Variants in PLCB3 observed in about 807,000 individuals in gnomAD.
PLCB3 encodes the protein 1-phosphatidylinositol 4,5-bisphosphate phosphodiesterase beta-3.
In PLCB3, 54 loss-of-function variants were observed where a neutral mutation model predicts 152.1. That is an observed-to-expected ratio of 0.36 (90% CI 0.29 to 0.45). PLCB3 has a LOEUF of 0.45. Among genes scored for constraint, PLCB3 ranks in the 20% least tolerant of loss-of-function variants. The probability of loss-of-function intolerance (pLI) is 1.00; values close to 1 mark genes in which losing one functional copy is unlikely to be tolerated. For synonymous variants in PLCB3, 717 were observed against 698.7 expected (o/e 1.03, Z -0.41); for missense variants, 1,248 against 1,687.5 (o/e 0.74, Z 4.56).
At chr11:64,265,568 G>C (rs1003250444) in intron 25 of PLCB3, 66 bp downstream of exon 25, 2 of 1,508,142 alleles carry the variant, frequency 1.3e-6, no homozygotes, top group Non-Finnish European at 1.8e-6. Context: ...GGGGGTCGGT[G>C]GGCATGGAGA....
chr11:64,267,360 C>G lies in PLCB3; in HGVS notation c.3509C>G (p.Ala1170Gly). The change falls in exon 31 of 31, where the codon GCC becomes GGC. Residue 1170 changes from alanine (A) to glycine (G), a missense_variant. Ala to Gly is a moderately conservative substitution (Grantham distance 60). Coordinates refer to ENST00000279230, the MANE Select transcript of PLCB3 (RefSeq NM_000932.5). This position sits in a 1 kb window ranked among gnomAD's most constrained non-coding sequence, Gnocchi z 5.2. ...QLAEEEPKLL[A>G]QLAQECQEQR... ...CCCATCCTTCTCCCACAGCTGCTGG[C>G]CCAGCTGGCCCAGGAGTGTCAGGAG... 6.5e-7 allele frequency: 1 copy of G among 1,545,950 alleles called. No homozygotes were observed.
At chr11:64,262,867 C>A in intron 19 of PLCB3, 59 bp downstream of exon 19, 1 of 1,545,442 alleles carries the variant, frequency 6.5e-7, no homozygotes, top group South Asian at 1.1e-5. Context: ...ACCGCCCCGA[C>A]TCTCAGGTGG....
rs1449612809 is a variant in PLCB3 at position 64,258,629 on chromosome 11, G to A, written c.1169G>A (p.Arg390His). The A allele has an allele frequency of 3.1e-6, 5 of 1,613,992 alleles. No individual in the cohort carries two copies. Among genetic ancestry groups the A allele is most frequent in the East Asian group, 4.5e-5 (2 of 44,872 alleles). ...GFTMTTEVPL[R>H]DVLEAIAETA... ...ACCATGACCACAGAGGTGCCTCTGC[G>A]CGACGTGCTGGAGGCCATTGCCGAG... Residue 390 changes from arginine (R) to histidine (H), a missense_variant, in exon 11 of 31, where the codon CGC (arginine) becomes CAC (histidine). Physicochemically the swap from Arg to His is conservative, Grantham distance 29 (BLOSUM62 0). This residue lies in a region of PLCB3 where 122 missense variants were observed against 221.8 expected (regional missense o/e 0.55). Transcript: ENST00000279230. The surrounding 1 kb of genome is among the most constrained non-coding windows in gnomAD (Gnocchi z 7.2).
intron 9 of PLCB3, 34 bp from the exon 10 acceptor site, chr11:64,256,584 C>T (rs588177): frequency 6.2e-7 from 1 of 1,612,694 alleles, no homozygotes; most frequent in Non-Finnish European, 8.5e-7. Flanking sequence ...CAGGTGGGAC[C>T]CCAGCTGACC....
In PLCB3 at chr11:64,259,142, G is replaced by A. The variant is rs753770952; in HGVS notation, c.1423G>A (p.Ala475Thr). The A allele has an allele frequency of 2.7e-5, 43 of 1,610,788 alleles. No individual in the cohort carries two copies. In the East Asian group the frequency reaches 5.1e-4, roughly 19 times the overall value. The change falls in exon 13 of 31, where the codon GCA becomes ACA. Residue 475 changes from alanine to threonine, a missense_variant. Ala to Thr is a moderately conservative substitution (Grantham distance 58). Around this residue, in one of 6 missense-constraint regions of PLCB3, gnomAD observed 122 missense variants for 221.8 expected, o/e 0.55. Transcript: ENST00000279230. ...GAACAAGAAGCGGCACCGACCCAGCGCAGGTGGCCCAGACAGCGCCGGGCG... is the reference window on the plus strand; with the variant it reads ...GAACAAGAAGCGGCACCGACCCAGCACAGGTGGCCCAGACAGCGCCGGGCG... ...VKNKKRHRPS[A>T]GGPDSAGRKR...
Position 64,258,634 on chromosome 11 carries a change from G to T in PLCB3, c.1174G>T (p.Val392Leu). 1 of 1,613,994 alleles carries T rather than the reference G, an allele frequency of 6.2e-7. No homozygotes were observed. The highest frequency in any genetic ancestry group is 8.5e-7 in the Non-Finnish European group (1 of 1,179,988). The change falls in exon 11 of 31, where the codon GTG (valine) becomes TTG (leucine). Residue 392 changes from valine (V) to leucine (L), a missense_variant. This residue lies in a region of PLCB3 where 122 missense variants were observed against 221.8 expected (regional missense o/e 0.55). Transcript: ENST00000279230. This position sits in a 1 kb window ranked among gnomAD's most constrained non-coding sequence, Gnocchi z 7.2. The stretch of plus-strand genomic sequence containing the variant: ...GACCACAGAGGTGCCTCTGCGCGAC[G>T]TGCTGGAGGCCATTGCCGAGACTGC... ...TMTTEVPLRD[V>L]LEAIAETAFK...
At position 64,264,083 on chromosome 11, in the gene PLCB3, C is replaced by A. The variant is rs1195550688; in HGVS notation, c.2623C>A (p.Gln875Lys). Residue 875 changes from glutamine (Q) to lysine (K), a missense_variant, in exon 22 of 31, where the codon CAG becomes AAG. Physicochemically the swap from Gln to Lys is moderately conservative, Grantham distance 53. Coordinates refer to ENST00000279230, the MANE Select transcript of PLCB3 (RefSeq NM_000932.5). ...CAGCCTGATGGACCAGAGGGCCCGG[C>A]AGCTGGCCGCCCTCATTGGGGAGAG... ...HVSLMDQRAR[Q>K]LAALIGESEA... is the part of the protein sequence containing the mutation. The A allele has an allele frequency of 6.4e-7, 1 of 1,554,034 alleles. No homozygotes were observed. The highest frequency in any genetic ancestry group is 8.7e-7 in the Non-Finnish European group (1 of 1,151,526).
chr11:64,255,953 C>G lies in PLCB3; in HGVS notation c.698+132C>G. On this transcript the variant is annotated intron_variant, in intron 8 of 30. Transcript: ENST00000279230. The surrounding 1 kb of genome is among the most constrained non-coding windows in gnomAD (Gnocchi z 6.8). ...GAGCGCCAGGGGGCGGAGGGGTGCCCAGGGAGAACCTGTCGGTGATGTTCC... is the reference window on the plus strand; with the variant it reads ...GAGCGCCAGGGGGCGGAGGGGTGCCGAGGGAGAACCTGTCGGTGATGTTCC... 1.4e-6 allele frequency: 1 copy of G among 692,204 alleles called. No homozygotes were observed. Among genetic ancestry groups the G allele is most frequent in the Non-Finnish European group, 2.5e-6 (1 of 392,420 alleles). 42.9% of individuals were successfully genotyped at this position (692,204 alleles called of 1,614,324 possible). A position where few individuals can be genotyped will look rare whatever the true frequency, so the allele number is the denominator to read the frequency against.
Position 64,262,530 on chromosome 11 carries a change from A to G in PLCB3, c.2162A>G (p.Asp721Gly). The G allele has an allele frequency of 6.2e-7, 1 of 1,613,966 alleles. No homozygotes were observed. Among genetic ancestry groups the G allele is most frequent in the Non-Finnish European group, 8.5e-7 (1 of 1,179,994 alleles). The stretch of plus-strand genomic sequence containing the variant: ...GACCCCTTCACTGAGGTCATCGTGG[A>G]TGGCATCGTGGCCAATGCCTTGCGG... ...SFDPFTEVIV[D>G]GIVANALRVK... Residue 721 changes from aspartate to glycine, a missense_variant, in exon 18 of 31, where the codon GAT (aspartate) becomes GGT (glycine). By Grantham distance (94) the Asp-to-Gly change is moderately conservative. Coordinates refer to ENST00000279230, the MANE Select transcript of PLCB3 (RefSeq NM_000932.5).
chr11:64,261,995 C>T lies in PLCB3; in HGVS notation c.1957C>T (p.Arg653Cys). 1.2e-6 allele frequency: 2 copies of T among 1,614,182 alleles called. No individual in the cohort carries two copies. The highest frequency in any genetic ancestry group is 1.7e-6 in the Non-Finnish European group (2 of 1,180,010). ...QLSRIYPKGT[R>C]VDSSNYMPQL... ...CAGCCGCATCTACCCCAAGGGCACCCGCGTGGACTCCTCCAACTACATGCC... is the reference window on the plus strand; with the variant it reads ...CAGCCGCATCTACCCCAAGGGCACCTGCGTGGACTCCTCCAACTACATGCC... The change falls in exon 17 of 31, where the codon CGC (arginine) becomes TGC (cysteine). Residue 653 changes from arginine to cysteine, a missense_variant. Physicochemically the swap from Arg to Cys is radical, Grantham distance 180 (BLOSUM62 -3). Transcript: ENST00000279230.
rs2032142213 is a variant in PLCB3 at position 64,266,731 on chromosome 11, C to T, written c.3414+179C>T. Reference sequence around the variant, plus strand: ...AAAGCCAACTGTCTGTACCAGTGTCCCTGGCTTTGGCGTCCTTGGGCCCAG... The same window carrying T: ...AAAGCCAACTGTCTGTACCAGTGTCTCTGGCTTTGGCGTCCTTGGGCCCAG... On this transcript the variant is annotated intron_variant, in intron 29 of 30. Transcript: ENST00000279230. This position sits in a 1 kb window ranked among gnomAD's most constrained non-coding sequence, Gnocchi z 4.9. Among the ~76,000 whole-genome samples the T allele has an allele frequency of 6.6e-6, 1 of 152,120 alleles. No individual in the cohort carries two copies. Among genetic ancestry groups the T allele is most frequent in the South Asian group, 2.1e-4 (1 of 4,826 alleles).
Position 64,256,385 on chromosome 11 carries a change from G to A in PLCB3, c.708G>A (p.Lys236=), listed in dbSNP as rs2031529883. 6.2e-7 allele frequency: 1 copy of A among 1,613,298 alleles called. No individual in the cohort carries two copies. Reference sequence around the variant, plus strand: ...TTCCTGTCCCCTCCAGAGGCGCCAAGGGCAAGCCATACCTGACGCTGGAGC... The same window carrying A: ...TTCCTGTCCCCTCCAGAGGCGCCAAAGGCAAGCCATACCTGACGCTGGAGC... ...IDKILLEIGA[K]GKPYLTLEQL... is the part of the protein sequence containing the mutation. The change falls in exon 9 of 31, where the codon AAG becomes AAA. Residue 236 remains lysine, a synonymous_variant. Coordinates refer to ENST00000279230, the MANE Select transcript of PLCB3 (RefSeq NM_000932.5).
Position 64,259,104 on chromosome 11 carries a change from G to A in PLCB3, c.1385G>A (p.Arg462His), listed in dbSNP as rs1417153759. Reference sequence around the variant, plus strand: ...CCCAGCCCCCAGGACCTGATGGGCCGTATCCTGGTGAAGAACAAGAAGCGG... The same window carrying A: ...CCCAGCCCCCAGGACCTGATGGGCCATATCCTGGTGAAGAACAAGAAGCGG... The part of the protein sequence containing the change: ...PLPSPQDLMG[R>H]ILVKNKKRHR... Residue 462 changes from arginine to histidine, a missense_variant, in exon 13 of 31, where the codon CGT becomes CAT. Physicochemically the swap from Arg to His is conservative, Grantham distance 29. Coordinates refer to ENST00000279230, the MANE Select transcript of PLCB3 (RefSeq NM_000932.5). The A allele has an allele frequency of 3.1e-6, 5 of 1,612,174 alleles. No homozygotes were observed. Among genetic ancestry groups the A allele is most frequent in the East Asian group, 2.2e-5 (1 of 44,826 alleles).
rs116529975 is a variant in PLCB3, at chr11:64,260,260, G to A, written c.1731+26G>A. ...GTCAGGCCCACAGGGTGGGCAGGTC[G>A]GGGAGGTAGCATCTATTTACCTCCC... On this transcript the variant is annotated intron_variant, in intron 14 of 30. Coordinates refer to ENST00000279230, the MANE Select transcript of PLCB3 (RefSeq NM_000932.5). 4.8e-4 allele frequency: 731 copies of A among 1,517,066 alleles called. 4 individuals carry two copies. In the African/African-American group the frequency reaches 9.5e-3, roughly 20 times the overall value. The allele number at this position is 1,517,066 out of a possible 1,614,324, so 94.0% of individuals were successfully genotyped here. A position where few individuals can be genotyped will look rare whatever the true frequency, so the allele number is the denominator to read the frequency against.
At position 64,258,159 on chromosome 11, in the gene PLCB3, A is replaced by G. The variant is rs1405576995; in HGVS notation, c.1013-314A>G. On this transcript the variant is annotated intron_variant, in intron 10 of 30. Transcript: ENST00000279230. The surrounding 1 kb of genome is among the most constrained non-coding windows in gnomAD (Gnocchi z 7.2). ...ACAGAGCGAGGTTCCGTCTCAAAAA[A>G]AAAAAAAAAAGAGATTGGATTGGAG... Among the ~76,000 whole-genome samples the G allele has an allele frequency of 6.6e-6, 1 of 151,814 alleles. No homozygotes were observed. The highest frequency in any genetic ancestry group is 1.5e-5 in the Non-Finnish European group (1 of 67,904).
chr11:64,263,823 T>C (rs1331009663), intron 21 of PLCB3, 28 bp downstream of exon 21: 1 of 1,581,142 alleles, frequency 6.3e-7, no homozygotes, highest in Admixed American at 1.7e-5. Flanking sequence ...GGGGCCTGCC[T>C]GGCCAGGGAG....
intron 14 of PLCB3, 58 bp from the exon 15 acceptor site, chr11:64,261,342 G>A (rs939894285): frequency 2.4e-6 from 3 of 1,259,954 alleles, no homozygotes; most frequent in South Asian, 2.4e-5. Context: ...GGGGGCAGGT[G>A]AGGGAATGGC....
At chr11:64,253,263 C>T (rs758260539) in intron 1 of PLCB3, among the ~76,000 whole-genome samples, 67 of 152,338 alleles carry the variant, frequency 4.4e-4, no homozygotes, top group Non-Finnish European at 7.3e-4. Flanking sequence ...GACGCTGCAA[C>T]CACACTGCCT....
chr11:64,257,132 G>C (rs1273399874), intron 10 of PLCB3, among the ~76,000 whole-genome samples: 1 of 150,814 alleles, frequency 6.6e-6, no homozygotes, highest in East Asian at 2.0e-4. Flanking sequence ...AGCCTCCCAA[G>C]TAGCTGGGAT....
Sources: allele counts gnomAD v4.1 joint callset (sites outside exome capture counted in the v4.1 genomes callset), GRCh38; gene constraint gnomAD v4.1.1; regional missense constraint gnomAD v4.1.1; non-coding constraint Gnocchi (gnomAD v3.1); transcripts MANE v1.5; gene names NCBI Gene and HGNC (gene_info 2026-07-23, HGNC 2026-07-21).